Variants in TXNDC16 observed in about 807,000 individuals in gnomAD.
The protein encoded by TXNDC16 is thioredoxin domain containing 16, also known as thioredoxin domain-containing protein 16.
TXNDC16 carries 74 observed loss-of-function variants against 85.6 expected under a neutral mutation model. That is an observed-to-expected ratio of 0.86 (90% CI 0.72 to 1.05). The LOEUF (loss-of-function observed/expected upper bound fraction) is 1.05. TXNDC16 is among the 50% of genes least tolerant of loss of function. The pLI is 0.00. For synonymous variants in TXNDC16, 335 were observed against 326.5 expected (o/e 1.03, Z -0.28); for missense variants, 959 against 947.0 (o/e 1.01, Z -0.17).
intron 1 of TXNDC16, among the ~76,000 whole-genome samples, chr14:52,551,187 C>G (rs748848842): frequency 5.9e-5 from 9 of 151,982 alleles, no homozygotes; most frequent in Non-Finnish European, 1.0e-4. Context: ...GTCCCAGAAT[C>G]TACAAAATAG....
intron 18 of TXNDC16, among the ~76,000 whole-genome samples, chr14:52,450,892 CACAT>C (rs1396664682): frequency 1.3e-5 from 2 of 150,588 alleles, no homozygotes; most frequent in East Asian, 3.9e-4. Context: ...CACACACACA[CACAT>C]ACATATATAT....
intron 20 of TXNDC16, among the ~76,000 whole-genome samples, chr14:52,434,423 A>G (rs1328503457): frequency 1.3e-5 from 2 of 152,216 alleles, no homozygotes; most frequent in Non-Finnish European, 2.9e-5. Flanking sequence ...TCATCAAATC[A>G]GTAATGATAA....
intron 6 of TXNDC16, among the ~76,000 whole-genome samples, chr14:52,530,234 T>A (rs1566581741): frequency 2.4e-4 from 17 of 69,502 alleles, no homozygotes; most frequent in Non-Finnish European, 3.1e-4. Flanking sequence ...TAATATTACA[T>A]ATAATAATAT....
intron 3 of TXNDC16, 148 bp from the exon 4 acceptor site, chr14:52,542,601 A>G: frequency 3.8e-6 from 2 of 520,166 alleles, no homozygotes; most frequent in South Asian, 6.3e-5. Flanking sequence ...TCACACCCTT[A>G]TTTTACTATT....
chr14:52,515,669 ATGTG>A (rs57407287), intron 7 of TXNDC16, among the ~76,000 whole-genome samples: 9,023 of 144,226 alleles, frequency 0.063, 539 homozygotes, highest in African/African-American at 0.15. Flanking sequence ...TTTCATACAT[ATGTG>A]TGTGTGTGTG....
intron 9 of TXNDC16, among the ~76,000 whole-genome samples, chr14:52,509,103 A>G (rs989100564): frequency 1.3e-5 from 2 of 152,106 alleles, no homozygotes; most frequent in African/African-American, 4.8e-5. Context: ...ATAAAGTGAA[A>G]TAAGATCAGA....
At chr14:52,506,657 C>G (rs556027634) in intron 9 of TXNDC16, among the ~76,000 whole-genome samples, 1 of 140,570 alleles carries the variant, frequency 7.1e-6, no homozygotes, top group South Asian at 2.3e-4. Context: ...CCCGGGTTCA[C>G]GCCATTCTCC....
At chr14:52,453,832 A>G (rs1188165469) in intron 18 of TXNDC16, among the ~76,000 whole-genome samples, 1 of 152,126 alleles carries the variant, frequency 6.6e-6, no homozygotes. Flanking sequence ...TCTTTTCTCC[A>G]CATCCTCACC....
chr14:52,459,657 T>C (rs1236739495), intron 16 of TXNDC16, among the ~76,000 whole-genome samples: 1 of 152,048 alleles, frequency 6.6e-6, no homozygotes, highest in Non-Finnish European at 1.5e-5. Flanking sequence ...TGATCAACAT[T>C]GAAAATCCTC....
intron 16 of TXNDC16, among the ~76,000 whole-genome samples, chr14:52,469,504 G>A (rs1407612567): frequency 6.6e-6 from 1 of 151,918 alleles, no homozygotes; most frequent in African/African-American, 2.4e-5. Context: ...CAGCACTTTG[G>A]GAGGCCAAGG....
intron 14 of TXNDC16, 22 bp downstream of exon 14, chr14:52,482,208 C>T: frequency 1.3e-6 from 2 of 1,580,808 alleles, no homozygotes; most frequent in African/African-American, 1.4e-5. Context: ...GAATAATAAG[C>T]ATGCATAGCA....
chr14:52,543,313 T>C, intron 3 of TXNDC16, 85 bp downstream of exon 3: 1 of 1,418,082 alleles, frequency 7.1e-7, no homozygotes, highest in South Asian at 1.4e-5. Flanking sequence ...ATTATTAATC[T>C]TAACAGAAAT....
chr14:52,462,782 T>C, intron 16 of TXNDC16: 3 of 370,518 alleles, frequency 8.1e-6, no homozygotes, highest in South Asian at 2.1e-5. Context: ...CATTTTTCAT[T>C]TGAAATGTTC....
chr14:52,516,194 G>A (rs966487327), intron 7 of TXNDC16, among the ~76,000 whole-genome samples: 1 of 151,914 alleles, frequency 6.6e-6, no homozygotes, highest in African/African-American at 2.4e-5. Context: ...TCTTGTGTTG[G>A]GTCCTTTTTG....
At chr14:52,453,235 G>A (rs1208326787) in intron 18 of TXNDC16, among the ~76,000 whole-genome samples, 2 of 152,166 alleles carry the variant, frequency 1.3e-5, no homozygotes, top group Non-Finnish European at 2.9e-5. Context: ...CAGTGGGAAT[G>A]TAAATTAGTG....
chr14:52,537,274 T>C (rs751989281), intron 5 of TXNDC16, among the ~76,000 whole-genome samples: 2 of 152,198 alleles, frequency 1.3e-5, no homozygotes, highest in African/African-American at 2.4e-5. Flanking sequence ...ATAAAGCACA[T>C]TTATTTCACA....
chr14:52,519,217 T>C lies in TXNDC16; in HGVS notation c.469A>G (p.Lys157Glu), dbSNP rs2037154118. The C allele has an allele frequency of 1.2e-6, 2 of 1,611,744 alleles. No homozygotes were observed. The highest frequency in any genetic ancestry group is 8.5e-7 in the Non-Finnish European group (1 of 1,178,930). The change falls in exon 7 of 21, where the codon AAA (lysine) becomes GAA (glutamate). Residue 157 changes from lysine (K) to glutamate (E), a missense_variant. Transcript: ENST00000281741. ...LQNIENALKG[K>E]ANIIFSYVRA... The stretch of plus-strand genomic sequence containing the variant: ...ACATATGAGAATATAATATTTGCTT[T>C]TCCTTTCAGAGCATTTTCTATGTTC...
intron 4 of TXNDC16, among the ~76,000 whole-genome samples, chr14:52,540,825 T>A (rs1013116973): frequency 5.9e-5 from 9 of 152,200 alleles, no homozygotes; most frequent in Non-Finnish European, 1.3e-4. Context: ...CTCATTTCTA[T>A]CTCACAAATA....
chr14:52,551,466 GA>G (rs72432459), intron 1 of TXNDC16, among the ~76,000 whole-genome samples: 13,089 of 110,540 alleles, frequency 0.12, 651 homozygotes, highest in South Asian at 0.19. Context: ...GACCCTGCAT[GA>G]AAAAAAGGAA....
Sources: gnomAD v4.1 joint callset for allele counts (sites outside exome capture counted in the v4.1 genomes callset) on GRCh38, gnomAD v4.1.1 for gene constraint, MANE v1.5 for transcripts, NCBI Gene and HGNC (gene_info 2026-07-23, HGNC 2026-07-21) for gene names.